The following WDPCP variants were observed in gnomAD, a reference collection of about 807,000 sequenced individuals.
The protein encoded by WDPCP is WD repeat containing planar cell polarity effector, also known as WD repeat-containing and planar cell polarity effector protein fritz homolog.
Under a neutral mutation model 93.1 loss-of-function variants are expected in WDPCP, and 71 were observed. The observed-to-expected ratio is 0.76, with a 90% CI of 0.63 to 0.93. WDPCP has a LOEUF of 0.93. Ranked by LOEUF, WDPCP falls within the 40% of genes least tolerant of loss-of-function variation. WDPCP has a pLI of 0.00. For synonymous variants in WDPCP, 315 were observed against 315.0 expected, an observed-to-expected ratio of 1.00 and a Z score of 0.00; for missense variants, 844 against 887.4, an observed-to-expected ratio of 0.95 and a Z score of 0.62.
intron 2 of WDPCP, among the ~76,000 whole-genome samples, chr2:63,667,229 TG>T (rs1223972772): frequency 6.6e-6 from 1 of 152,182 alleles, no homozygotes; most frequent in Non-Finnish European, 1.5e-5. Flanking sequence ...CTCACTGACA[TG>T]GTTGTATTTC....
At chr2:63,643,867 TTCA>T (rs1386633750) in intron 3 of WDPCP, 1 of 537,940 alleles carries the variant, frequency 1.9e-6, no homozygotes, top group East Asian at 5.0e-5. Context: ...TCTTCTTTAC[TTCA>T]TCTCCTGTCA....
intron 12 of WDPCP, among the ~76,000 whole-genome samples, chr2:63,356,231 T>C (rs1044726636): frequency 4.6e-5 from 7 of 152,140 alleles, no homozygotes; most frequent in African/African-American, 1.4e-4. Context: ...GACCTAACTA[T>C]CCTCAATATA....
chr2:63,655,343 C>T (rs983809305), intron 2 of WDPCP, among the ~76,000 whole-genome samples: 2 of 152,014 alleles, frequency 1.3e-5, no homozygotes, highest in Non-Finnish European at 1.5e-5. Flanking sequence ...AAGCCTATTA[C>T]CAGTGTCTTC....
At chr2:63,811,739 T>C (rs1345576782) in intron 2 of WDPCP, among the ~76,000 whole-genome samples, 1 of 152,102 alleles carries the variant, frequency 6.6e-6, no homozygotes, top group African/African-American at 2.4e-5. Flanking sequence ...AATAGGCAGT[T>C]TTCCATTCCT....
At chr2:63,356,800 TA>T (rs1331386127) in intron 12 of WDPCP, among the ~76,000 whole-genome samples, 5 of 152,108 alleles carry the variant, frequency 3.3e-5, no homozygotes, top group Non-Finnish European at 5.9e-5. Context: ...TTCATAGCAC[TA>T]AATGTCCACA....
intron 2 of WDPCP, among the ~76,000 whole-genome samples, chr2:63,809,576 C>T (rs895859575): frequency 3.9e-5 from 6 of 152,314 alleles, no homozygotes; most frequent in African/African-American, 1.4e-4. Context: ...AAGAAAAATT[C>T]TTCTGCCTTG....
At chr2:63,253,141 CAAGAA>C (rs1260694540) in intron 14 of WDPCP, among the ~76,000 whole-genome samples, 8 of 151,898 alleles carry the variant, frequency 5.3e-5, no homozygotes, top group African/African-American at 1.9e-4. Context: ...CTTCGACAGT[CAAGAA>C]AAGAAGTTGG....
intron 10 of WDPCP, among the ~76,000 whole-genome samples, chr2:63,383,939 T>C (rs780606328): frequency 9.2e-5 from 14 of 152,148 alleles, no homozygotes; most frequent in African/African-American, 1.4e-4. Context: ...CTGAGTAATA[T>C]AATGAAGCTA....
At chr2:63,519,799 C>T (rs993943755) in intron 1 of WDPCP, among the ~76,000 whole-genome samples, 1 of 152,028 alleles carries the variant, frequency 6.6e-6, no homozygotes, top group Non-Finnish European at 1.5e-5. Context: ...AGAATCAGCA[C>T]AAAAAATGGC....
intron 13 of WDPCP, among the ~76,000 whole-genome samples, chr2:63,281,187 T>C (rs1215148743): frequency 6.6e-6 from 1 of 151,942 alleles, no homozygotes; most frequent in Non-Finnish European, 1.5e-5. Flanking sequence ...AATAGACAAT[T>C]CTCAAAAGAA....
At chr2:63,325,519 C>T (rs1687465227) in intron 12 of WDPCP, among the ~76,000 whole-genome samples, 2 of 152,198 alleles carry the variant, frequency 1.3e-5, no homozygotes, top group African/African-American at 4.8e-5. Flanking sequence ...TCCTCCTGGA[C>T]ACTGGTGTGG....
At chr2:63,593,635 G>T (rs901881863), upstream of WDPCP, 2 of 471,610 alleles carry the variant, frequency 4.2e-6, no homozygotes, top group Admixed American at 4.7e-5. Context: ...GCAGGTAGGG[G>T]TAAAGGTGAC....
intron 14 of WDPCP, among the ~76,000 whole-genome samples, chr2:63,238,939 AC>A (rs1466828215): frequency 1.3e-5 from 2 of 152,172 alleles, no homozygotes; most frequent in African/African-American, 4.8e-5. Flanking sequence ...AATTTCCACG[AC>A]ATAAATATTC....
chr2:63,301,547 C>T (rs1229990338), intron 13 of WDPCP, among the ~76,000 whole-genome samples: 1 of 152,192 alleles, frequency 6.6e-6, no homozygotes, highest in Admixed American at 6.5e-5. Flanking sequence ...AGGCAGGTCA[C>T]ACAAATCTAG....
intron 12 of WDPCP, among the ~76,000 whole-genome samples, chr2:63,355,297 T>TC (rs1689936396): frequency 6.6e-6 from 1 of 152,078 alleles, no homozygotes. Flanking sequence ...TATTCAACAT[T>TC]CTTAAAGAAA....
chr2:63,243,797 T>C (rs183270713), intron 14 of WDPCP, among the ~76,000 whole-genome samples: 1 of 152,112 alleles, frequency 6.6e-6, no homozygotes, highest in Non-Finnish European at 1.5e-5. Context: ...CTGACAGCAT[T>C]AGACAGGTCA....
intron 1 of WDPCP, among the ~76,000 whole-genome samples, chr2:63,536,048 C>T (rs184992013): frequency 3.9e-5 from 6 of 152,236 alleles, no homozygotes; most frequent in East Asian, 3.9e-4. Context: ...AAAAACTGGG[C>T]GAAGGATATT....
chr2:63,785,350 T>C (rs1670452016), intron 2 of WDPCP, among the ~76,000 whole-genome samples: 1 of 152,216 alleles, frequency 6.6e-6, no homozygotes, highest in Non-Finnish European at 1.5e-5. Context: ...TCACTGCTTT[T>C]CCCTTTCTCT....
At chr2:63,523,061 A>G (rs1451956641) in intron 1 of WDPCP, among the ~76,000 whole-genome samples, 1 of 152,150 alleles carries the variant, frequency 6.6e-6, no homozygotes, top group East Asian at 1.9e-4. Flanking sequence ...ATCCTCAACA[A>G]AATACTAGCA....
Sources: gnomAD v4.1 joint callset for allele counts (sites outside exome capture counted in the v4.1 genomes callset) on GRCh38, gnomAD v4.1.1 for gene constraint, MANE v1.5 for transcripts, NCBI Gene and HGNC (gene_info 2026-07-23, HGNC 2026-07-21) for gene names.